PTPRJ: variants seen among roughly 807,000 people sequenced by gnomAD.
The protein encoded by PTPRJ is protein tyrosine phosphatase receptor type J.
Under a neutral mutation model 141.3 loss-of-function variants are expected in PTPRJ, and 129 were observed. That is an observed-to-expected ratio of 0.91 (90% CI 0.79 to 1.06). The LOEUF is 1.06. Ranked by LOEUF, PTPRJ falls within the 50% of genes least tolerant of loss-of-function variation. PTPRJ has a pLI of 0.00. For missense variants in PTPRJ, 1,601 were observed against 1,679.7 expected, an observed-to-expected ratio of 0.95 and a Z score of 0.82; for synonymous variants, 610 against 640.5, an observed-to-expected ratio of 0.95 and a Z score of 0.72.
intron 12 of PTPRJ, 116 bp from the exon 13 acceptor site, chr11:48,144,559 C>G: frequency 1.2e-6 from 1 of 807,614 alleles, no homozygotes; most frequent in Non-Finnish European, 2.0e-6. Flanking sequence ...CAGAGAGATA[C>G]TTGAGAGATG....
intron 1 of PTPRJ, among the ~76,000 whole-genome samples, chr11:48,104,412 A>G (rs1856236494): frequency 1.3e-5 from 2 of 152,244 alleles, no homozygotes; most frequent in African/African-American, 4.8e-5. Flanking sequence ...TCCAAATCCC[A>G]TAAACTGCTA....
chr11:48,130,432 A>G (rs751074301), intron 7 of PTPRJ, 27 bp from the exon 8 acceptor site: 3 of 1,587,450 alleles, frequency 1.9e-6, no homozygotes, highest in Non-Finnish European at 2.6e-6. Context: ...TATATTTTTA[A>G]TCTAGTTGTT....
chr11:48,102,264 C>T (rs2134314384), intron 1 of PTPRJ, among the ~76,000 whole-genome samples: 1 of 152,304 alleles, frequency 6.6e-6, no homozygotes, highest in African/African-American at 2.4e-5. Context: ...GGTGACATTA[C>T]TAGGGAATGG....
rs1217187387 is a variant in PTPRJ, at chr11:48,046,912, ATTT to A, written c.97-63127_97-63125del. On this transcript the variant is annotated intron_variant, in intron 1 of 24. Coordinates refer to ENST00000418331, the MANE Select transcript of PTPRJ (RefSeq NM_002843.4). ...TACATATATATATATATATATATAT[ATTT>A]TTTTTTTTTTTTTTTTTTGAGATAG... Among the ~76,000 whole-genome samples, 238 of 74,126 alleles carry A rather than the reference ATTT, an allele frequency of 3.2e-3. 1 individual carries two copies. Among genetic ancestry groups the A allele is most frequent in the African/African-American group, 0.012 (170 of 13,684 alleles). 48.6% of individuals were successfully genotyped at this position (74,126 alleles called of 152,430 possible).
intron 5 of PTPRJ, 61 bp downstream of exon 5, chr11:48,123,931 T>C: frequency 6.6e-7 from 1 of 1,505,624 alleles, no homozygotes; most frequent in Non-Finnish European, 9.0e-7. Context: ...TAACTAAATG[T>C]TCTAAAAAAT....
At chr11:48,160,124 G>T in intron 22 of PTPRJ, 75 bp downstream of exon 22, 1 of 1,548,492 alleles carries the variant, frequency 6.5e-7, no homozygotes, top group Non-Finnish European at 8.9e-7. Context: ...GTTTTAGGTT[G>T]ATATTAACTA....
chr11:47,998,435 T>A (rs924878421), intron 1 of PTPRJ, among the ~76,000 whole-genome samples: 1 of 152,214 alleles, frequency 6.6e-6, no homozygotes, highest in Non-Finnish European at 1.5e-5. Context: ...GCTCCAAAAC[T>A]GTGTTCTTGA....
At chr11:48,167,149 C>A in intron 24 of PTPRJ, 55 bp from the exon 25 acceptor site, 2 of 1,528,176 alleles carry the variant, frequency 1.3e-6, no homozygotes, top group Non-Finnish European at 1.8e-6. Flanking sequence ...ATTTTGGGTG[C>A]TAATTTCTGG....
chr11:48,089,867 C>T (rs1855821148), intron 1 of PTPRJ, among the ~76,000 whole-genome samples: 1 of 152,168 alleles, frequency 6.6e-6, no homozygotes, highest in South Asian at 2.1e-4. Flanking sequence ...GCTGCTAGAG[C>T]CTCGAGCCAG....
intron 1 of PTPRJ, among the ~76,000 whole-genome samples, chr11:48,026,500 A>C (rs1333480298): frequency 7.1e-6 from 1 of 140,254 alleles, no homozygotes; most frequent in South Asian, 2.2e-4. Context: ...TTTTTTTTTG[A>C]GACGGAGTTT....
At chr11:48,094,936 C>A (rs1855966800) in intron 1 of PTPRJ, among the ~76,000 whole-genome samples, 1 of 152,122 alleles carries the variant, frequency 6.6e-6, no homozygotes, top group South Asian at 2.1e-4. Flanking sequence ...GAATCTTTGC[C>A]CAGCCCTGAG....
intron 1 of PTPRJ, among the ~76,000 whole-genome samples, chr11:48,078,819 T>TG (rs1855484814): frequency 1.1e-5 from 1 of 90,372 alleles, no homozygotes; most frequent in African/African-American, 3.7e-5. Context: ...TTTTTTTTTT[T>TG]GTGGAACACA....
At chr11:48,086,815 CTG>C (rs1312345675) in intron 1 of PTPRJ, among the ~76,000 whole-genome samples, 1 of 152,146 alleles carries the variant, frequency 6.6e-6, no homozygotes, top group Non-Finnish European at 1.5e-5. Flanking sequence ...TAAAAAATGT[CTG>C]TGTGTGTATT....
chr11:48,125,851 AG>A (rs1457680575), intron 6 of PTPRJ, among the ~76,000 whole-genome samples: 1 of 152,182 alleles, frequency 6.6e-6, no homozygotes, highest in African/African-American at 2.4e-5. Context: ...ATGTTGAAGG[AG>A]GGTCCATTTG....
rs6485811 is a variant in PTPRJ at position 48,156,271 on chromosome 11, A to G, written c.3438+152A>G. On this transcript the variant is annotated intron_variant, in intron 21 of 24. Coordinates refer to ENST00000418331, the MANE Select transcript of PTPRJ (RefSeq NM_002843.4). ...ACTTGTTTTCTGTCTTTTTTTCCCC[A>G]TAAGAGAAATGTTTAAAAACATTCT... 0.99 allele frequency: 641,242 copies of G among 645,168 alleles called. 318,797 individuals carry two copies. The highest frequency in any genetic ancestry group is 1 in the East Asian group (33,916 of 33,918). 40.0% of individuals were successfully genotyped at this position (645,168 alleles called of 1,614,324 possible).
chr11:48,145,810 C>T (rs533478995), intron 14 of PTPRJ, among the ~76,000 whole-genome samples: 5 of 152,112 alleles, frequency 3.3e-5, no homozygotes, highest in East Asian at 3.9e-4. Flanking sequence ...CTGCCCACCT[C>T]GGCTTCCCAA....
chr11:48,045,077 C>G (rs758119544), intron 1 of PTPRJ, among the ~76,000 whole-genome samples: 3 of 152,138 alleles, frequency 2.0e-5, no homozygotes, highest in Non-Finnish European at 4.4e-5. Context: ...TCTTTTCCCC[C>G]GTAATTATGG....
chr11:47,980,935 C>A lies in PTPRJ; in HGVS notation c.23C>A (p.Ala8Glu). The A allele has an allele frequency of 2.5e-6, 3 of 1,182,978 alleles. No individual in the cohort carries two copies. Among genetic ancestry groups the A allele is most frequent in the Non-Finnish European group, 3.1e-6 (3 of 957,344 alleles). 73.3% of individuals were successfully genotyped at this position (1,182,978 alleles called of 1,614,324 possible). Reference protein sequence around the residue: MKPAAREARLPPRSPGLR... With the variant: MKPAAREERLPPRSPGLR... ...GGCATGAAGCCGGCGGCGCGGGAGG[C>A]GCGGCTGCCTCCGCGCTCGCCCGGG... The change falls in exon 1 of 25, where the codon GCG becomes GAG. Residue 8 changes from alanine to glutamate, a missense_variant. By Grantham distance (107) the Ala-to-Glu change is moderately radical. Coordinates refer to ENST00000418331, the MANE Select transcript of PTPRJ (RefSeq NM_002843.4).
intron 1 of PTPRJ, among the ~76,000 whole-genome samples, chr11:48,065,004 CTTTTTTT>C (rs61139660): frequency 3.4e-5 from 4 of 117,206 alleles, no homozygotes; most frequent in South Asian, 2.6e-4. Flanking sequence ...CCTCAACTAC[CTTTTTTT>C]TTTTTTTTTT....
Sources: gnomAD v4.1 joint callset for allele counts (sites outside exome capture counted in the v4.1 genomes callset) on GRCh38, gnomAD v4.1.1 for gene constraint, MANE v1.5 for transcripts, NCBI Gene and HGNC (gene_info 2026-07-23, HGNC 2026-07-21) for gene names.